Variants in ATL2 observed in about 807,000 individuals in gnomAD.
ATL2 encodes the protein atlastin-2.
A neutral mutation model predicts 73.9 loss-of-function variants in ATL2; 31 were observed. The observed-to-expected ratio is 0.42, with a 90% CI of 0.32 to 0.57. ATL2 has a LOEUF of 0.57. Among genes scored for constraint, ATL2 ranks in the 20% least tolerant of loss-of-function variants. The pLI, the probability that ATL2 is intolerant of heterozygous loss-of-function variation, is 0.14. For synonymous variants in ATL2, 291 were observed against 237.5 expected (o/e 1.23, Z -2.07); for missense variants, 738 against 702.6 (o/e 1.05, Z -0.57).
intron 1 of ATL2, 26 bp downstream of exon 1, chr2:38,377,117 G>C: frequency 6.2e-7 from 1 of 1,600,400 alleles, no homozygotes; most frequent in Non-Finnish European, 8.5e-7. Flanking sequence ...TCAGGGCCCC[G>C]CGGCCTCTGC....
At chr2:38,345,705 G>A (rs1352024424) in intron 1 of ATL2, among the ~76,000 whole-genome samples, 3 of 152,272 alleles carry the variant, frequency 2.0e-5, no homozygotes, top group Admixed American at 1.3e-4. Context: ...CTAAATTAAC[G>A]TCTCATTAGG....
chr2:38,347,758 T>G (rs1670107727), intron 1 of ATL2, among the ~76,000 whole-genome samples: 1 of 149,916 alleles, frequency 6.7e-6, no homozygotes, highest in Non-Finnish European at 1.5e-5. Context: ...GTCTTACATC[T>G]GCCCTTACCT....
At chr2:38,306,086 C>G (rs149137147) in intron 9 of ATL2, among the ~76,000 whole-genome samples, 25 of 152,036 alleles carry the variant, frequency 1.6e-4, no homozygotes, top group Middle Eastern at 3.4e-3. Flanking sequence ...CACAGAAATC[C>G]AAAGGATCAT....
chr2:38,322,419 AAAC>A (rs1401314720), intron 2 of ATL2, among the ~76,000 whole-genome samples: 1 of 152,230 alleles, frequency 6.6e-6, no homozygotes, highest in Non-Finnish European at 1.5e-5. Context: ...TTTCTTAAAC[AAAC>A]AAAAAAGTTT....
At chr2:38,365,174 C>T (rs998916722) in intron 1 of ATL2, among the ~76,000 whole-genome samples, 5 of 137,906 alleles carry the variant, frequency 3.6e-5, no homozygotes, top group African/African-American at 1.8e-4. Flanking sequence ...CAAATACACA[C>T]ACACACACAC....
chr2:38,313,921 ATAGG>A (rs1667889612), intron 6 of ATL2, among the ~76,000 whole-genome samples: 1 of 152,196 alleles, frequency 6.6e-6, no homozygotes, highest in Non-Finnish European at 1.5e-5. Context: ...TATAGGCCAA[ATAGG>A]GTATATTTCA....
At chr2:38,301,592 CTG>C (rs1573427136) in intron 9 of ATL2, among the ~76,000 whole-genome samples, 2 of 152,196 alleles carry the variant, frequency 1.3e-5, no homozygotes, top group East Asian at 3.9e-4. Flanking sequence ...AAAGCAGTGA[CTG>C]TGGAATTTTT....
chr2:38,320,823 CA>C (rs1668279275), intron 2 of ATL2, among the ~76,000 whole-genome samples: 1 of 151,958 alleles, frequency 6.6e-6, no homozygotes, highest in African/African-American at 2.4e-5. Context: ...GAAAAGCAGA[CA>C]CACAGTGGCA....
chr2:38,325,177 T>G (rs930218505), intron 2 of ATL2, among the ~76,000 whole-genome samples: 4 of 152,204 alleles, frequency 2.6e-5, no homozygotes, highest in East Asian at 1.9e-4. Context: ...AGCTTTCTCA[T>G]GTAAAAAGTT....
Position 38,294,101 on chromosome 2 carries a change from A to G in ATL2, c.*1893T>C, listed in dbSNP as rs1456598584. Among the ~76,000 whole-genome samples the G allele has an allele frequency of 6.6e-6, 1 of 152,260 alleles. No homozygotes were observed. The highest frequency in any genetic ancestry group is 1.5e-5 in the Non-Finnish European group (1 of 68,046). On this transcript the variant is annotated 3_prime_UTR_variant, in exon 13 of 13. Transcript: ENST00000378954. ...AGACACTTTTCAGGTGGATTCTTTA[A>G]GAACAGATAAGTTAGCAATTTAATA... is the stretch of plus-strand genomic sequence containing the variant.
chr2:38,314,767 T>C (rs1320689710), intron 5 of ATL2, 103 bp from the exon 6 acceptor site: 2 of 718,110 alleles, frequency 2.8e-6, no homozygotes, highest in Non-Finnish European at 4.6e-6. Context: ...ACCTTTAAAA[T>C]CATTTCAAAG....
chr2:38,332,133 T>C (rs1669033985), intron 2 of ATL2, among the ~76,000 whole-genome samples: 2 of 152,142 alleles, frequency 1.3e-5, no homozygotes, highest in African/African-American at 4.8e-5. Flanking sequence ...AGCGGTTCCT[T>C]CAGGTTGAGG....
chr2:38,299,318 C>T lies in ATL2; in HGVS notation c.1138G>A (p.Glu380Lys). The T allele has an allele frequency of 6.6e-7, 1 of 1,513,196 alleles. No homozygotes were observed. Among genetic ancestry groups the T allele is most frequent in the Middle Eastern group, 1.7e-4 (1 of 5,790 alleles). The allele number at this position is 1,513,196 out of a possible 1,614,324, so 93.7% of individuals were successfully genotyped here. ...GCTACTGCAGCAAGATTATTAGCTTCAGCTGTTGCCTAAAAAATAAAATAT... is the reference window on the plus strand; with the variant it reads ...GCTACTGCAGCAAGATTATTAGCTTTAGCTGTTGCCTAAAAAATAAAATAT... ...HPKSMLQATA[E>K]ANNLAAVAGA... The change falls in exon 11 of 13, where the codon GAA (glutamate) becomes AAA (lysine). Residue 380 changes from glutamate to lysine, a missense_variant. Transcript: ENST00000378954.
chr2:38,368,151 G>T (rs371411661), intron 1 of ATL2, among the ~76,000 whole-genome samples: 1 of 150,958 alleles, frequency 6.6e-6, no homozygotes, highest in African/African-American at 2.4e-5. Context: ...AGCCAGGATG[G>T]CCTCTATCTC....
rs1308102210 is a variant in ATL2 at position 38,300,311 on chromosome 2, A to G, written c.1089T>C (p.Tyr363=). The stretch of plus-strand genomic sequence containing the variant: ...TTGGATGTGGAAGTTCTTCTCCTTG[A>G]TAGATTTTGATGTAAGCCTAAAAAG... ...VEYFKAYIKI[Y]QGEELPHPKS... The change falls in exon 10 of 13, where the codon TAT becomes TAC. Residue 363 remains tyrosine (Y), a synonymous_variant. Coordinates refer to ENST00000378954, the MANE Select transcript of ATL2 (RefSeq NM_001135673.4). 5 of 1,609,250 alleles carry G rather than the reference A, an allele frequency of 3.1e-6. No individual in the cohort carries two copies. In the Admixed American group the frequency reaches 8.3e-5, roughly 27 times the overall value.
chr2:38,325,697 AGTAC>A (rs1558412087), intron 2 of ATL2, among the ~76,000 whole-genome samples: 2 of 3,726 alleles, frequency 5.4e-4, no homozygotes, highest in Non-Finnish European at 5.0e-4. Flanking sequence ...CACACACACC[AGTAC>A]ACACACACAC....
intron 1 of ATL2, chr2:38,376,045 A>G: frequency 7.3e-7 from 1 of 1,375,714 alleles, no homozygotes; most frequent in Admixed American, 2.8e-5. Context: ...TACACACCGT[A>G]AAAAAAGAAA....
intron 6 of ATL2, among the ~76,000 whole-genome samples, chr2:38,314,101 TAG>T (rs1203206722): frequency 6.6e-6 from 1 of 152,196 alleles, no homozygotes; most frequent in Non-Finnish European, 1.5e-5. Flanking sequence ...GCAAACATGG[TAG>T]AGTCATGCTC....
At chr2:38,298,057 G>T in intron 12 of ATL2, 87 bp downstream of exon 12, 1 of 1,270,810 alleles carries the variant, frequency 7.9e-7, no homozygotes, top group Admixed American at 2.3e-5. Flanking sequence ...TCACATGAAG[G>T]CAAAGTCGGA....
Sources: allele counts gnomAD v4.1 joint callset (sites outside exome capture counted in the v4.1 genomes callset), GRCh38; gene constraint gnomAD v4.1.1; transcripts MANE v1.5; gene names NCBI Gene and HGNC (gene_info 2026-07-23, HGNC 2026-07-21).